The following NFIX variants were observed in gnomAD, a reference collection of about 807,000 sequenced individuals.
The protein encoded by NFIX is nuclear factor 1 X-type.
Under a neutral mutation model 53.3 loss-of-function variants are expected in NFIX, and 2 were observed. The observed-to-expected ratio is 0.04, with a 90% confidence interval of 0.02 to 0.12. The LOEUF is 0.12. Among genes scored for constraint, NFIX ranks in the 10% least tolerant of loss-of-function variants. The probability of loss-of-function intolerance (pLI) is 1.00; values close to 1 mark genes in which losing one functional copy is unlikely to be tolerated. For missense variants in NFIX, 310 were observed against 674.5 expected (o/e 0.46, Z 5.99); for synonymous variants, 244 against 289.0 (o/e 0.84, Z 1.58).
intron 1 of NFIX, among the ~76,000 whole-genome samples, chr19:13,010,474 T>G (rs1214213782): frequency 1.3e-5 from 2 of 152,356 alleles, no homozygotes; most frequent in African/African-American, 4.8e-5. Context: ...GCGCCCCCAG[T>G]CGGGATCTCA....
intron 1 of NFIX, among the ~76,000 whole-genome samples, chr19:13,018,346 G>GC (rs1294388095): frequency 1.7e-5 from 2 of 117,130 alleles, no homozygotes; most frequent in Admixed American, 1.6e-4. Context: ...GGGGGGGGGG[G>GC]GGGGGCGCGG....
rs765204117 is a variant in NFIX at position 13,021,890 on chromosome 19, G to A, written c.28-3131G>A. 1.3e-5 allele frequency among the ~76,000 whole-genome samples: 2 copies of A among 152,066 alleles called. No homozygotes were observed. Among genetic ancestry groups the A allele is most frequent in the Non-Finnish European group, 2.9e-5 (2 of 68,016 alleles). On this transcript the variant is annotated intron_variant, in intron 1 of 10. Transcript: ENST00000592199. This position sits in a 1 kb window ranked among gnomAD's most constrained non-coding sequence, Gnocchi z 4.2. ...TCCCCCAGGTGGCCTGTTTTTGATA[G>A]AGCCCTTTGCTGTTTTTTGTTGTGT...
In NFIX at chr19:13,043,996, G is replaced by A. The variant is rs1047520330; in HGVS notation, c.559+18444G>A. On this transcript the variant is annotated intron_variant, in intron 2 of 10. Transcript: ENST00000592199. The surrounding 1 kb of genome is among the most constrained non-coding windows in gnomAD (Gnocchi z 4.0). ...AAAAAAAAGAAAAAAGAGAAAATCG[G>A]GCCTTATATCATTTTCTACATCCTA... 1.3e-5 allele frequency among the ~76,000 whole-genome samples: 2 copies of A among 152,052 alleles called. No homozygotes were observed. The highest frequency in any genetic ancestry group is 2.9e-5 in the Non-Finnish European group (2 of 67,996).
chr19:12,999,977 G>A (rs2011618600), intron 1 of NFIX, among the ~76,000 whole-genome samples: 1 of 152,234 alleles, frequency 6.6e-6, no homozygotes, highest in African/African-American at 2.4e-5. Flanking sequence ...ATGAGCTGGG[G>A]CTCCGTGAGA....
At chr19:13,010,668 G>A (rs1242563352) in intron 1 of NFIX, among the ~76,000 whole-genome samples, 1 of 152,240 alleles carries the variant, frequency 6.6e-6, no homozygotes, top group Non-Finnish European at 1.5e-5. Flanking sequence ...CCCCAACGGG[G>A]AGCTCCAGGT....
At chr19:12,999,910 C>T (rs1385801020) in intron 1 of NFIX, among the ~76,000 whole-genome samples, 4 of 152,234 alleles carry the variant, frequency 2.6e-5, no homozygotes, top group Non-Finnish European at 5.9e-5. Flanking sequence ...TGATTCATGC[C>T]CACTGCTGGG....
chr19:13,073,459 G>C lies in NFIX; in HGVS notation c.660G>C (p.Gly220=). Residue 220 remains glycine, a synonymous_variant, in exon 4 of 11, where the codon GGG becomes GGC. Transcript: ENST00000592199. This position sits in a 1 kb window ranked among gnomAD's most constrained non-coding sequence, Gnocchi z 4.5. Reference sequence around the variant, plus strand: ...TCCAGGACTGTTTTGTGACTTCCGGGGTCTGGAATGTGACGGAGCTGGTGA... The same window carrying C: ...TCCAGGACTGTTTTGTGACTTCCGGCGTCTGGAATGTGACGGAGCTGGTGA... The part of the protein sequence containing the change: ...LSFQDCFVTS[G]VWNVTELVRV... 6.2e-7 allele frequency: 1 copy of C among 1,613,970 alleles called. No homozygotes were observed. Among genetic ancestry groups the C allele is most frequent in the Non-Finnish European group, 8.5e-7 (1 of 1,179,870 alleles).
At chr19:13,062,768 G>T (rs1053156463) in intron 2 of NFIX, among the ~76,000 whole-genome samples, 3 of 152,230 alleles carry the variant, frequency 2.0e-5, no homozygotes, top group Admixed American at 1.3e-4. Flanking sequence ...TGAGCCCAGG[G>T]TCAGTCCCTG....
In NFIX at chr19:13,014,361, G is replaced by A. The variant is rs1250209729; in HGVS notation, c.28-10660G>A. 3.3e-5 allele frequency: 5 copies of A among 152,200 alleles called. No individual in the cohort carries two copies. Among genetic ancestry groups the A allele is most frequent in the Admixed American group, 6.5e-5 (1 of 15,288 alleles). 9.4% of individuals were successfully genotyped at this position (152,200 alleles called of 1,614,324 possible). A position where few individuals can be genotyped will look rare whatever the true frequency, so the allele number is the denominator to read the frequency against. ...CTGACCCACTGCCTGGTTTGCGCTA[G>A]AGCCGTTTAAAAAAGAAAGAAAGGA... On this transcript the variant is annotated intron_variant, in intron 1 of 10. Transcript: ENST00000592199. The surrounding 1 kb of genome is among the most constrained non-coding windows in gnomAD (Gnocchi z 4.4).
intron 2 of NFIX, among the ~76,000 whole-genome samples, chr19:13,044,222 C>T (rs376612561): frequency 1.4e-4 from 22 of 152,138 alleles, no homozygotes; most frequent in African/African-American, 5.1e-4. Context: ...CAGAGGGAGG[C>T]GACAGCATCG....
rs1208978199 is a variant in NFIX at position 13,011,219 on chromosome 19, C to A, written c.28-13802C>A. Among the ~76,000 whole-genome samples the A allele has an allele frequency of 6.6e-6, 1 of 152,198 alleles. No homozygotes were observed. Among genetic ancestry groups the A allele is most frequent in the African/African-American group, 2.4e-5 (1 of 41,434 alleles). Reference sequence around the variant, plus strand: ...TCCCCCAAGGGCCGGACTGCAGCTCCGAATCCCGCAGCCCCAGAAACACAA... The same window carrying A: ...TCCCCCAAGGGCCGGACTGCAGCTCAGAATCCCGCAGCCCCAGAAACACAA... On this transcript the variant is annotated intron_variant, in intron 1 of 10. Coordinates refer to ENST00000592199, the MANE Select transcript of NFIX (RefSeq NM_001365902.3). This position sits in a 1 kb window ranked among gnomAD's most constrained non-coding sequence, Gnocchi z 6.5.
chr19:13,070,332 C>A (rs1462034022), intron 2 of NFIX: 1 of 152,354 alleles, frequency 6.6e-6, no homozygotes, highest in African/African-American at 2.4e-5. Context: ...TCTACTCTTG[C>A]TGAGCTAGTT....
intron 10 of NFIX, among the ~76,000 whole-genome samples, chr19:13,092,454 C>A (rs1297860339): frequency 6.6e-6 from 1 of 152,152 alleles, no homozygotes; most frequent in Non-Finnish European, 1.5e-5. Context: ...TGAGGAGGAC[C>A]CCCCAGTCTG....
At position 13,012,894 on chromosome 19, in the gene NFIX, G is replaced by A. The variant is rs1185885051; in HGVS notation, c.28-12127G>A. ...AATCCCCGAGCCTTCTCTTTTGGGGGAGTAAAGGCGGGGAAATTTACCAGG... is the reference window on the plus strand; with the variant it reads ...AATCCCCGAGCCTTCTCTTTTGGGGAAGTAAAGGCGGGGAAATTTACCAGG... On this transcript the variant is annotated intron_variant, in intron 1 of 10. Coordinates refer to ENST00000592199, the MANE Select transcript of NFIX (RefSeq NM_001365902.3). This position sits in a 1 kb window ranked among gnomAD's most constrained non-coding sequence, Gnocchi z 5.0. Among the ~76,000 whole-genome samples, 1 of 152,046 alleles carries A rather than the reference G, an allele frequency of 6.6e-6. No homozygotes were observed. The highest frequency in any genetic ancestry group is 1.5e-5 in the Non-Finnish European group (1 of 68,022).
At chr19:13,057,478 C>T (rs751627731) in intron 2 of NFIX, among the ~76,000 whole-genome samples, 1 of 152,186 alleles carries the variant, frequency 6.6e-6, no homozygotes, top group African/African-American at 2.4e-5. Flanking sequence ...GCTGCAGACT[C>T]GGCTTTCGCT....
chr19:13,088,207 A>G lies in NFIX; in HGVS notation c.1402+71A>G, dbSNP rs2145503934. 1 of 1,507,396 alleles carries G rather than the reference A, an allele frequency of 6.6e-7. No homozygotes were observed. Among genetic ancestry groups the G allele is most frequent in the South Asian group, 1.2e-5 (1 of 82,438 alleles). 93.4% of individuals were successfully genotyped at this position (1,507,396 alleles called of 1,614,324 possible). On this transcript the variant is annotated intron_variant, in intron 9 of 10. Coordinates refer to ENST00000592199, the MANE Select transcript of NFIX (RefSeq NM_001365902.3). This position sits in a 1 kb window ranked among gnomAD's most constrained non-coding sequence, Gnocchi z 5.9. ...CCCGTCCAAACAGTCTCCACTGCAA[A>G]AAGAAAAGCCTTCCCCCTCCCCACC...
chr19:13,016,544 C>CT (rs562558795), intron 1 of NFIX, among the ~76,000 whole-genome samples: 6 of 150,934 alleles, frequency 4.0e-5, no homozygotes, highest in African/African-American at 9.7e-5. Flanking sequence ...GCCACCTCTT[C>CT]TTTTTTTTCT....
At chr19:12,997,649 C>T (rs1368175583) in intron 1 of NFIX, among the ~76,000 whole-genome samples, 1 of 152,204 alleles carries the variant, frequency 6.6e-6, no homozygotes, top group Non-Finnish European at 1.5e-5. Context: ...CAAGACCCCA[C>T]GCTCAAGCAG....
chr19:13,081,979 G>T lies in NFIX; in HGVS notation c.1254+124G>T, dbSNP rs1466891977. ...CCACCTGGGGCTGGAGCAGCAGGGA[G>T]CTGGTAGTACCAAACGCCTCGATTT... is the stretch of plus-strand genomic sequence containing the variant. On this transcript the variant is annotated intron_variant, in intron 8 of 10. Coordinates refer to ENST00000592199, the MANE Select transcript of NFIX (RefSeq NM_001365902.3). The surrounding 1 kb of genome is among the most constrained non-coding windows in gnomAD (Gnocchi z 4.7). The T allele has an allele frequency of 4.3e-6, 5 of 1,164,658 alleles. No homozygotes were observed. The highest frequency in any genetic ancestry group is 4.9e-6 in the Non-Finnish European group (4 of 822,346). 72.1% of individuals were successfully genotyped at this position (1,164,658 alleles called of 1,614,324 possible).
Sources: allele counts gnomAD v4.1 joint callset (sites outside exome capture counted in the v4.1 genomes callset), GRCh38; gene constraint gnomAD v4.1.1; non-coding constraint Gnocchi (gnomAD v3.1); transcripts MANE v1.5; gene names NCBI Gene and HGNC (gene_info 2026-07-23, HGNC 2026-07-21).